Variants in RGS22 observed in about 807,000 individuals in gnomAD.
RGS22 encodes regulator of G protein signaling 22.
A neutral mutation model predicts 172.9 loss-of-function variants in RGS22; 148 were observed. The observed-to-expected ratio is 0.86, with a 90% CI of 0.75 to 0.98. The LOEUF is 0.98. Among genes scored for constraint, RGS22 ranks in the 50% least tolerant of loss-of-function variants. The pLI is 0.00. For synonymous variants in RGS22, 458 were observed against 480.2 expected, an observed-to-expected ratio of 0.95 and a Z score of 0.60; for missense variants, 1,347 against 1,440.8, an observed-to-expected ratio of 0.93 and a Z score of 1.05.
At chr8:100,091,505 T>G (rs571835587) in intron 3 of RGS22, among the ~76,000 whole-genome samples, 6 of 152,288 alleles carry the variant, frequency 3.9e-5, no homozygotes, top group African/African-American at 1.4e-4. Context: ...AATGGCAATG[T>G]CTATTCTGAC....
intron 14 of RGS22, among the ~76,000 whole-genome samples, chr8:100,014,691 A>AG (rs1461408941): frequency 1.3e-5 from 2 of 152,064 alleles, no homozygotes; most frequent in African/African-American, 4.8e-5. Context: ...CCCTTAAAAG[A>AG]TGACACTCAC....
intron 14 of RGS22, among the ~76,000 whole-genome samples, chr8:100,012,499 T>C (rs1816494741): frequency 6.6e-6 from 1 of 151,926 alleles, no homozygotes; most frequent in Admixed American, 6.6e-5. Flanking sequence ...GGAGAATCAC[T>C]TGAGGCCAGG....
At chr8:99,991,520 T>C (rs1232833752) in intron 20 of RGS22, among the ~76,000 whole-genome samples, 1 of 152,024 alleles carries the variant, frequency 6.6e-6, no homozygotes, top group African/African-American at 2.4e-5. Flanking sequence ...GTATCAGTGA[T>C]TAAAGATCAA....
In RGS22 at chr8:100,066,289, T is replaced by C. The variant is rs747264200; in HGVS notation, c.602A>G (p.Tyr201Cys). The C allele has an allele frequency of 8.1e-6, 13 of 1,612,606 alleles. No individual in the cohort carries two copies. The highest frequency in any genetic ancestry group is 5.0e-5 in the Admixed American group (3 of 59,990). The part of the protein sequence containing the change: ...KFYVSLGEAS[Y>C]TQTKDWFALA... Reference sequence around the variant, plus strand: ...TGCAAACCAATCTTTTGTTTGAGTATAGGAAGCCTAGGAAGAAGGGAGCAT... The same window carrying C: ...TGCAAACCAATCTTTTGTTTGAGTACAGGAAGCCTAGGAAGAAGGGAGCAT... Residue 201 changes from tyrosine to cysteine, a missense_variant, in exon 7 of 28, where the codon TAT (tyrosine) becomes TGT (cysteine). Tyr to Cys is a radical substitution (Grantham distance 194). Transcript: ENST00000360863.
chr8:100,075,896 T>C (rs971422271), intron 4 of RGS22, among the ~76,000 whole-genome samples: 16 of 151,750 alleles, frequency 1.1e-4, no homozygotes, highest in African/African-American at 3.9e-4. Flanking sequence ...TGTTATTATT[T>C]GCCCTTTTTT....
In RGS22 at chr8:99,982,092, C is replaced by T. The variant is rs1812614429; in HGVS notation, c.3205G>A (p.Glu1069Lys). The T allele has an allele frequency of 1.2e-6, 2 of 1,612,878 alleles. No individual in the cohort carries two copies. The highest frequency in any genetic ancestry group is 1.7e-5 in the Admixed American group (1 of 59,908). Reference sequence around the variant, plus strand: ...GTAATCTTCTTCTGGATGACAGACTCATCACAATGAGAATGGCACAAGTCC... The same window carrying T: ...GTAATCTTCTTCTGGATGACAGACTTATCACAATGAGAATGGCACAAGTCC... Reference protein sequence around the residue: ...YKDLCHSHCDESVIQKKITTI... With the variant: ...YKDLCHSHCDKSVIQKKITTI... The change falls in exon 22 of 28, where the codon GAG (glutamate) becomes AAG (lysine). Residue 1069 changes from glutamate to lysine, a missense_variant. Glu to Lys is a moderately conservative substitution (Grantham distance 56). Coordinates refer to ENST00000360863, the MANE Select transcript of RGS22 (RefSeq NM_015668.5).
At chr8:99,991,240 G>A (rs182402755) in intron 20 of RGS22, among the ~76,000 whole-genome samples, 6 of 152,256 alleles carry the variant, frequency 3.9e-5, no homozygotes, top group East Asian at 3.9e-4. Flanking sequence ...CACCAGCAAC[G>A]GAATAAAGCA....
At chr8:100,030,560 G>A in intron 14 of RGS22, among the ~76,000 whole-genome samples, 1 of 152,068 alleles carries the variant, frequency 6.6e-6, no homozygotes, top group East Asian at 1.9e-4. Flanking sequence ...AGAAAAGACT[G>A]CAAAAGTAAA....
chr8:100,067,077 C>T (rs570580534), intron 6 of RGS22, among the ~76,000 whole-genome samples: 1 of 152,306 alleles, frequency 6.6e-6, no homozygotes, highest in South Asian at 2.1e-4. Context: ...TCAACAAGAG[C>T]AGAGAAGAGA....
At position 100,072,244 on chromosome 8, in the gene RGS22, G is replaced by C; in HGVS notation, c.340-14C>G. 1 of 1,523,388 alleles carries C rather than the reference G, an allele frequency of 6.6e-7. No homozygotes were observed. The highest frequency in any genetic ancestry group is 1.4e-5 in the African/African-American group (1 of 71,278). The allele number at this position is 1,523,388 out of a possible 1,614,324, so 94.4% of individuals were successfully genotyped here. A position where few individuals can be genotyped will look rare whatever the true frequency, so the allele number is the denominator to read the frequency against. On this transcript the variant is annotated splice_polypyrimidine_tract_variant and intron_variant, in intron 4 of 27. Coordinates refer to ENST00000360863, the MANE Select transcript of RGS22 (RefSeq NM_015668.5). ...ACGACTGAGACACTATGAGAAGAAAGAGAAAAAGAAAAAGAAGGTCAGAGA... is the reference window on the plus strand; with the variant it reads ...ACGACTGAGACACTATGAGAAGAAACAGAAAAAGAAAAAGAAGGTCAGAGA...
intron 1 of RGS22, 131 bp from the exon 2 acceptor site, chr8:100,105,533 A>C: frequency 1.3e-6 from 1 of 772,468 alleles, no homozygotes; most frequent in South Asian, 1.6e-5. Context: ...CCCTCTGTTC[A>C]TTCTCTGTAC....
intron 27 of RGS22, among the ~76,000 whole-genome samples, chr8:99,961,949 A>T (rs528239330): frequency 6.6e-6 from 1 of 152,336 alleles, no homozygotes; most frequent in South Asian, 2.1e-4. Flanking sequence ...ATTACACATT[A>T]TACTACATTA....
At chr8:99,991,462 C>T (rs2872094) in intron 20 of RGS22, among the ~76,000 whole-genome samples, 99,996 of 152,038 alleles carry the variant, frequency 0.66, 33,981 homozygotes, top group African/African-American at 0.84. Flanking sequence ...GAGAACTTCG[C>T]GACGCATGCA....
At chr8:100,012,587 G>A (rs1020729823) in intron 14 of RGS22, among the ~76,000 whole-genome samples, 3 of 151,914 alleles carry the variant, frequency 2.0e-5, no homozygotes, top group Non-Finnish European at 2.9e-5. Flanking sequence ...GAGACAAAGA[G>A]GGAGAGACAG....
At chr8:99,970,790 T>C (rs1291201959) in intron 23 of RGS22, among the ~76,000 whole-genome samples, 1 of 152,220 alleles carries the variant, frequency 6.6e-6, no homozygotes, top group African/African-American at 2.4e-5. Context: ...AGCCAAATTC[T>C]ACCAGAGGTA....
At chr8:100,090,976 A>G (rs1214088833) in intron 3 of RGS22, among the ~76,000 whole-genome samples, 1 of 152,148 alleles carries the variant, frequency 6.6e-6, no homozygotes, top group Non-Finnish European at 1.5e-5. Context: ...TGAAATCATA[A>G]TACATTAATT....
intron 6 of RGS22, among the ~76,000 whole-genome samples, chr8:100,069,253 T>C (rs1001375202): frequency 5.9e-5 from 9 of 152,326 alleles, no homozygotes; most frequent in South Asian, 4.1e-4. Flanking sequence ...CAGAATGCTG[T>C]GTTGTAAAGA....
chr8:100,101,827 T>C (rs1040022540), intron 2 of RGS22, among the ~76,000 whole-genome samples: 29 of 143,260 alleles, frequency 2.0e-4, no homozygotes, highest in African/African-American at 7.5e-4. Context: ...ACTGAGAAAA[T>C]ACAATATGAA....
intron 21 of RGS22, 120 bp downstream of exon 21, chr8:99,987,338 G>T: frequency 6.2e-6 from 4 of 645,416 alleles, no homozygotes; most frequent in Non-Finnish European, 1.0e-5. Context: ...CTGGTAGGAA[G>T]AAGATAGCAA....
Sources: allele counts gnomAD v4.1 joint callset (sites outside exome capture counted in the v4.1 genomes callset), GRCh38; gene constraint gnomAD v4.1.1; transcripts MANE v1.5; gene names NCBI Gene and HGNC (gene_info 2026-07-23, HGNC 2026-07-21).